The following ELAPOR2 variants were observed in gnomAD, a reference collection of about 807,000 sequenced individuals.
The protein encoded by ELAPOR2 is endosome-lysosome associated apoptosis and autophagy regulator family member 2.
ELAPOR2 carries 89 observed loss-of-function variants against 120.7 expected under a neutral mutation model. That is an observed-to-expected ratio of 0.74 (90% CI 0.62 to 0.88). The LOEUF (loss-of-function observed/expected upper bound fraction) is 0.88. Ranked by LOEUF, ELAPOR2 falls within the 40% of genes least tolerant of loss-of-function variation. The pLI is 0.00. For synonymous variants in ELAPOR2, 444 were observed against 444.9 expected (o/e 1.00, Z 0.03); for missense variants, 1,134 against 1,251.6 (o/e 0.91, Z 1.42).
chr7:86,954,837 A>G (rs1791405355), intron 2 of ELAPOR2, among the ~76,000 whole-genome samples: 1 of 152,120 alleles, frequency 6.6e-6, no homozygotes, highest in South Asian at 2.1e-4. Flanking sequence ...GTCTTATTTA[A>G]ATAAGATGAA....
At chr7:87,010,063 A>T (rs1793606066) in intron 1 of ELAPOR2, among the ~76,000 whole-genome samples, 1 of 152,230 alleles carries the variant, frequency 6.6e-6, no homozygotes, top group African/African-American at 2.4e-5. Flanking sequence ...CAGTTTCAGA[A>T]ATAAAATCTG....
rs74551843 is a variant in ELAPOR2 at position 87,038,404 on chromosome 7, A to C, written c.189+20921T>G. On this transcript the variant is annotated intron_variant, in intron 1 of 21. Coordinates refer to ENST00000450689, the MANE Select transcript of ELAPOR2 (RefSeq NM_001142749.3). Reference sequence around the variant, plus strand: ...GTCTAGGGAAATATATATTATCCTTATTATACTAAAAGCTTGTATACATAA... The same window carrying C: ...GTCTAGGGAAATATATATTATCCTTCTTATACTAAAAGCTTGTATACATAA... Among the ~76,000 whole-genome samples, 1,245 of 152,320 alleles carry C rather than the reference A, an allele frequency of 8.2e-3. 19 individuals carry two copies. Among genetic ancestry groups the C allele is most frequent in the African/African-American group, 0.029 (1,198 of 41,576 alleles).
chr7:86,906,496 G>A (rs1336657396), intron 18 of ELAPOR2, among the ~76,000 whole-genome samples: 1 of 152,038 alleles, frequency 6.6e-6, no homozygotes, highest in Non-Finnish European at 1.5e-5. Flanking sequence ...TGTTACCCCT[G>A]TAACTATTTT....
chr7:87,007,940 T>C (rs1356068095), intron 1 of ELAPOR2, among the ~76,000 whole-genome samples: 2 of 152,224 alleles, frequency 1.3e-5, no homozygotes, highest in South Asian at 2.1e-4. Flanking sequence ...AGAGAAAGAA[T>C]GACAAAGTTA....
chr7:86,982,986 C>A (rs1302933378), intron 1 of ELAPOR2, among the ~76,000 whole-genome samples: 1 of 152,130 alleles, frequency 6.6e-6, no homozygotes, highest in South Asian at 2.1e-4. Context: ...GTAGAGAAGA[C>A]CTTAAATGGC....
intron 4 of ELAPOR2, among the ~76,000 whole-genome samples, chr7:86,943,147 A>G (rs1345812580): frequency 6.6e-6 from 1 of 151,950 alleles, no homozygotes; most frequent in Non-Finnish European, 1.5e-5. Flanking sequence ...CCCTGAATAT[A>G]CCTTTAATGG....
At position 86,986,440 on chromosome 7, in the gene ELAPOR2, A is replaced by AAAAAAAAAAG. The variant is rs554550596; in HGVS notation, c.190-21417_190-21416insCTTTTTTTTT. Among the ~76,000 whole-genome samples the AAAAAAAAAAG allele has an allele frequency of 9.1e-3, 679 of 74,398 alleles. 133 individuals carry two copies. Among genetic ancestry groups the AAAAAAAAAAG allele is most frequent in the African/African-American group, 0.05 (653 of 13,108 alleles). 48.8% of individuals were successfully genotyped at this position (74,398 alleles called of 152,430 possible). A position where few individuals can be genotyped will look rare whatever the true frequency, so the allele number is the denominator to read the frequency against. ...CGAGACTCCGTCTCAAAAAAAAAAA[A>AAAAAAAAAAG]AAAGAAAACCCCATTGTCTCAGCCC... On this transcript the variant is annotated intron_variant, in intron 1 of 21. Transcript: ENST00000450689.
intron 10 of ELAPOR2, among the ~76,000 whole-genome samples, chr7:86,924,811 A>C (rs1293329337): frequency 6.6e-6 from 1 of 152,066 alleles, no homozygotes; most frequent in East Asian, 1.9e-4. Context: ...ACGTGTTTAC[A>C]ATAATTAAAC....
chr7:87,018,888 T>C (rs2116692112), intron 1 of ELAPOR2, among the ~76,000 whole-genome samples: 1 of 152,264 alleles, frequency 6.6e-6, no homozygotes, highest in South Asian at 2.1e-4. Context: ...AAATAAATAC[T>C]AAGACAAGCA....
At chr7:87,059,169 G>C (rs1219417661) in intron 1 of ELAPOR2, among the ~76,000 whole-genome samples, 156 bp downstream of exon 1, 1 of 151,658 alleles carries the variant, frequency 6.6e-6, no homozygotes, top group Non-Finnish European at 1.5e-5. Flanking sequence ...CAGCTACCAG[G>C]GCGGGCAACT....
At chr7:86,922,459 C>T (rs1172564557) in intron 10 of ELAPOR2, among the ~76,000 whole-genome samples, 1 of 151,540 alleles carries the variant, frequency 6.6e-6, no homozygotes, top group Admixed American at 6.6e-5. Flanking sequence ...TTACTTATAA[C>T]TTCATTACCT....
intron 1 of ELAPOR2, among the ~76,000 whole-genome samples, chr7:87,031,515 G>T (rs767381906): frequency 1.3e-5 from 2 of 152,098 alleles, no homozygotes; most frequent in Non-Finnish European, 2.9e-5. Context: ...TCTAACAGCA[G>T]GCACATCTAA....
intron 21 of ELAPOR2, among the ~76,000 whole-genome samples, chr7:86,882,816 C>T (rs570683605): frequency 1.2e-4 from 18 of 152,156 alleles, no homozygotes; most frequent in South Asian, 2.1e-4. Context: ...GTGAACCTCG[C>T]GAGGTCTCAA....
chr7:87,002,840 A>T (rs928500276), intron 1 of ELAPOR2, among the ~76,000 whole-genome samples: 2 of 152,112 alleles, frequency 1.3e-5, no homozygotes, highest in African/African-American at 4.8e-5. Context: ...AGAGCATGGG[A>T]CACTTCTGTG....
intron 1 of ELAPOR2, among the ~76,000 whole-genome samples, chr7:86,999,263 T>C (rs186353690): frequency 9.5e-4 from 144 of 152,306 alleles, no homozygotes; most frequent in African/African-American, 3.3e-3. Context: ...GTATTCCGTA[T>C]TTTGATCTGC....
In ELAPOR2 at chr7:86,893,730, TC is replaced by T. The variant is rs1453822401; in HGVS notation, c.2686-631del. The stretch of plus-strand genomic sequence containing the variant: ...TCACTACCCACACCAGTTACTTTCA[TC>T]CTCCCGAAATAGATGGCAATTCCTT... On this transcript the variant is annotated intron_variant, in intron 19 of 21. Coordinates refer to ENST00000450689, the MANE Select transcript of ELAPOR2 (RefSeq NM_001142749.3). Among the ~76,000 whole-genome samples, 7 of 152,124 alleles carry T rather than the reference TC, an allele frequency of 4.6e-5. No individual in the cohort carries two copies. The East Asian group carries it at 1.4e-3, about 30-fold the overall frequency.
At position 87,054,523 on chromosome 7, in the gene ELAPOR2, A is replaced by G. The variant is rs550985174; in HGVS notation, c.189+4802T>C. On this transcript the variant is annotated intron_variant, in intron 1 of 21. Transcript: ENST00000450689. The stretch of plus-strand genomic sequence containing the variant: ...ACAGAGGCTGAGTCCTAACTCCTTC[A>G]ATAACAGTGTGACTGTAGAACCTTT... Among the ~76,000 whole-genome samples, 8 of 152,334 alleles carry G rather than the reference A, an allele frequency of 5.3e-5. 1 individual carries two copies. The South Asian group carries it at 1.7e-3, about 32-fold the overall frequency.
At chr7:86,918,666 T>C in intron 11 of ELAPOR2, 122 bp from the exon 12 acceptor site, 1 of 637,838 alleles carries the variant, frequency 1.6e-6, no homozygotes, top group Non-Finnish European at 2.8e-6. Context: ...ATCTACCACT[T>C]CCCTCACCCA....
chr7:86,915,617 GA>G (rs965467673), intron 12 of ELAPOR2, among the ~76,000 whole-genome samples: 1 of 150,386 alleles, frequency 6.6e-6, no homozygotes, highest in Non-Finnish European at 1.5e-5. Flanking sequence ...CCTAAACTCT[GA>G]ATTTTCTAAT....
Sources: gnomAD v4.1 joint callset for allele counts (sites outside exome capture counted in the v4.1 genomes callset) on GRCh38, gnomAD v4.1.1 for gene constraint, MANE v1.5 for transcripts, NCBI Gene and HGNC (gene_info 2026-07-23, HGNC 2026-07-21) for gene names.